Variants in CEP126 observed in about 807,000 individuals in gnomAD.
CEP126 encodes centrosomal protein 126.
Under a neutral mutation model 107.8 loss-of-function variants are expected in CEP126, and 74 were observed. The ratio of observed to expected loss-of-function variants is 0.69; its 90% CI spans 0.57 to 0.83. CEP126 has a LOEUF of 0.83. Ranked by LOEUF, CEP126 falls within the 40% of genes least tolerant of loss-of-function variation. The pLI, the probability that CEP126 is intolerant of heterozygous loss-of-function variation, is 0.00. For synonymous variants in CEP126, 449 were observed against 446.0 expected (o/e 1.01, Z -0.08); for missense variants, 1,237 against 1,281.9 (o/e 0.96, Z 0.53).
At position 101,978,536 on chromosome 11, in the gene CEP126, G is replaced by T. The variant is rs1941219570; in HGVS notation, c.2958+77G>T. Reference sequence around the variant, plus strand: ...AAAACAGAGGTTCTTAAAGGACTATGCTCTTGCTGTAAACTGTATACCACA... The same window carrying T: ...AAAACAGAGGTTCTTAAAGGACTATTCTCTTGCTGTAAACTGTATACCACA... On this transcript the variant is annotated intron_variant, in intron 7 of 10. Coordinates refer to ENST00000263468, the MANE Select transcript of CEP126 (RefSeq NM_020802.4). 5.6e-6 allele frequency: 5 copies of T among 885,824 alleles called. No homozygotes were observed. In the Admixed American group the frequency reaches 1.0e-4, roughly 18 times the overall value. The allele number at this position is 885,824 out of a possible 1,614,324, so 54.9% of individuals were successfully genotyped here.
At chr11:101,934,334 A>AAT (rs1400438677) in intron 2 of CEP126, among the ~76,000 whole-genome samples, 1 of 152,108 alleles carries the variant, frequency 6.6e-6, no homozygotes, top group East Asian at 1.9e-4. Flanking sequence ...TCACGCATTC[A>AAT]ATGGCACATC....
intron 2 of CEP126, among the ~76,000 whole-genome samples, chr11:101,932,217 A>G (rs764890295): frequency 2.5e-4 from 38 of 152,336 alleles, no homozygotes; most frequent in Non-Finnish European, 4.3e-4. Flanking sequence ...TGAGTAATGA[A>G]AGAAGTATAG....
chr11:101,957,961 T>C (rs546637093), intron 4 of CEP126, among the ~76,000 whole-genome samples: 2 of 152,336 alleles, frequency 1.3e-5, no homozygotes, highest in South Asian at 4.1e-4. Context: ...AGTTCTTTAC[T>C]GGTACTTTAG....
intron 3 of CEP126, 135 bp downstream of exon 3, chr11:101,944,545 C>G: frequency 1.3e-6 from 1 of 781,534 alleles, no homozygotes. Context: ...AGTAAAAGCA[C>G]TTTAACCAAA....
At chr11:101,945,188 C>T (rs1277645346) in intron 3 of CEP126, among the ~76,000 whole-genome samples, 1 of 152,158 alleles carries the variant, frequency 6.6e-6, no homozygotes, top group Admixed American at 6.5e-5. Context: ...AACACTAAAC[C>T]TATGTCAGGA....
At chr11:101,983,362 G>A (rs969608515) in intron 8 of CEP126, among the ~76,000 whole-genome samples, 17 of 151,918 alleles carry the variant, frequency 1.1e-4, no homozygotes, top group Non-Finnish European at 2.4e-4. Flanking sequence ...TGCTTTGGAA[G>A]AGATGAACAG....
At chr11:101,981,159 T>C (rs1941250285) in intron 7 of CEP126, among the ~76,000 whole-genome samples, 1 of 151,166 alleles carries the variant, frequency 6.6e-6, no homozygotes, top group Admixed American at 6.6e-5. Context: ...TTAAGTTTTG[T>C]CACGTAAGAT....
At chr11:101,917,124 G>A (rs1940233668) in intron 1 of CEP126, among the ~76,000 whole-genome samples, 2 of 150,452 alleles carry the variant, frequency 1.3e-5, no homozygotes, top group African/African-American at 4.9e-5. Context: ...GTATATATAT[G>A]TTTAGATAAT....
chr11:101,935,148 A>G (rs1009250320), intron 2 of CEP126, among the ~76,000 whole-genome samples: 1 of 151,948 alleles, frequency 6.6e-6, no homozygotes, highest in African/African-American at 2.4e-5. Flanking sequence ...TTTTAATGAA[A>G]TATCTATTCA....
intron 8 of CEP126, among the ~76,000 whole-genome samples, chr11:101,985,449 AT>A (rs1941305955): frequency 6.6e-6 from 1 of 151,976 alleles, no homozygotes; most frequent in Non-Finnish European, 1.5e-5. Context: ...TACCTGGGTA[AT>A]TTTTGTATTT....
intron 6 of CEP126, among the ~76,000 whole-genome samples, chr11:101,975,324 C>T (rs752606668): frequency 1.4e-4 from 22 of 152,090 alleles, no homozygotes; most frequent in Non-Finnish European, 2.9e-4. Flanking sequence ...AACTACCAGA[C>T]GGTATCATAC....
At position 101,958,363 on chromosome 11, in the gene CEP126, G is replaced by A; in HGVS notation, c.702G>A (p.Leu234=). Residue 234 remains leucine, a synonymous_variant, in exon 5 of 11, where the codon TTG becomes TTA. Transcript: ENST00000263468. ...TCGAAGATCAACATCTAAGCAATTT[G>A]CAAGTATGAAACTATAAAAATGTTG... is the stretch of plus-strand genomic sequence containing the variant. ...KLLEDQHLSN[L]QKFCDEVNQI... 1 of 1,612,276 alleles carries A rather than the reference G, an allele frequency of 6.2e-7. No individual in the cohort carries two copies.
intron 8 of CEP126, among the ~76,000 whole-genome samples, chr11:101,984,289 T>C (rs1422233440): frequency 6.6e-6 from 1 of 152,200 alleles, no homozygotes; most frequent in Non-Finnish European, 1.5e-5. Flanking sequence ...CAATTGTGCA[T>C]TCCTGGCACA....
At chr11:101,938,159 C>CAAAAAAAAAAAAAAAAAA (rs1491167740) in intron 2 of CEP126, among the ~76,000 whole-genome samples, 6 of 39,258 alleles carry the variant, frequency 1.5e-4, no homozygotes, top group African/African-American at 2.8e-4. Flanking sequence ...GACTCTGTCT[C>CAAAAAAAAAAAAAAAAAA]AAAAAAAAAA....
At chr11:101,922,886 AT>A in intron 2 of CEP126, 126 bp downstream of exon 2, 2 of 735,332 alleles carry the variant, frequency 2.7e-6, no homozygotes, top group Non-Finnish European at 4.3e-6. Context: ...ATTGATCAAG[AT>A]TTGTGTGGCT....
At chr11:101,916,179 T>C (rs1358647400) in intron 1 of CEP126, 1 of 152,274 alleles carries the variant, frequency 6.6e-6, no homozygotes, top group Non-Finnish European at 1.5e-5. Flanking sequence ...TGGTGTTGTG[T>C]AATCATCTTC....
chr11:101,928,739 T>A (rs1940447912), intron 2 of CEP126, among the ~76,000 whole-genome samples: 1 of 152,196 alleles, frequency 6.6e-6, no homozygotes, highest in South Asian at 2.1e-4. Context: ...TATTCTGTTC[T>A]TTTTGTGTCT....
chr11:101,952,553 A>G (rs1016506906), intron 4 of CEP126, among the ~76,000 whole-genome samples: 1 of 152,210 alleles, frequency 6.6e-6, no homozygotes, highest in Non-Finnish European at 1.5e-5. Flanking sequence ...AGATTTGGTC[A>G]GTGAAAAAGT....
rs1941499005 is a variant in CEP126 at position 102,000,750 on chromosome 11, T to C, written c.*3107T>C. The C allele has an allele frequency of 6.6e-6, 1 of 151,812 alleles. No homozygotes were observed. The highest frequency in any genetic ancestry group is 1.5e-5 in the Non-Finnish European group (1 of 67,962). 9.4% of individuals were successfully genotyped at this position (151,812 alleles called of 1,614,324 possible). A position where few individuals can be genotyped will look rare whatever the true frequency, so the allele number is the denominator to read the frequency against. ...TCTTGGGCAAAAGGTATCAAATAAT[T>C]GAAAGAAAAGTTTAAACACATTTCC... On this transcript the variant is annotated 3_prime_UTR_variant, in exon 11 of 11. Coordinates refer to ENST00000263468, the MANE Select transcript of CEP126 (RefSeq NM_020802.4).
Sources: allele counts gnomAD v4.1 joint callset (sites outside exome capture counted in the v4.1 genomes callset), GRCh38; gene constraint gnomAD v4.1.1; transcripts MANE v1.5; gene names NCBI Gene and HGNC (gene_info 2026-07-23, HGNC 2026-07-21).